AHDC1: variants seen among roughly 807,000 people sequenced by gnomAD.
AHDC1 encodes transcription factor Gibbin.
Under a neutral mutation model 87.9 loss-of-function variants are expected in AHDC1, and 7 were observed. That is an observed-to-expected ratio of 0.08 (90% CI 0.05 to 0.15). The LOEUF (loss-of-function observed/expected upper bound fraction) is 0.15. Among genes scored for constraint, AHDC1 ranks in the 10% least tolerant of loss-of-function variants. The probability of loss-of-function intolerance (pLI) is 1.00; values close to 1 mark genes in which losing one functional copy is unlikely to be tolerated. For missense variants in AHDC1, 1,841 were observed against 2,253.2 expected (o/e 0.82, Z 3.70); for synonymous variants, 1,051 against 1,006.8 (o/e 1.04, Z -0.83).
At chr1:27,577,987 C>T (rs543282887) in intron 3 of AHDC1, among the ~76,000 whole-genome samples, 1 of 152,222 alleles carries the variant, frequency 6.6e-6, no homozygotes, top group Admixed American at 6.5e-5. Context: ...AGACTACACC[C>T]AGTTCAAGTC....
intron 3 of AHDC1, among the ~76,000 whole-genome samples, chr1:27,578,672 T>C (rs1480894674): frequency 6.6e-6 from 1 of 152,084 alleles, no homozygotes; most frequent in Non-Finnish European, 1.5e-5. Context: ...TGTGGCTACT[T>C]GAAAATTTTA....
chr1:27,572,346 GC>G (rs1387293024), intron 3 of AHDC1, among the ~76,000 whole-genome samples: 2 of 152,060 alleles, frequency 1.3e-5, no homozygotes, highest in African/African-American at 4.8e-5. Context: ...GTGTCCTGGG[GC>G]CCCCCTCTGT....
At position 27,561,407 on chromosome 1, in the gene AHDC1, G is replaced by A. The variant is rs1434993557; in HGVS notation, c.-628-2524C>T. 2.6e-5 allele frequency among the ~76,000 whole-genome samples: 4 copies of A among 152,166 alleles called. No individual in the cohort carries two copies. Among genetic ancestry groups the A allele is most frequent in the South Asian group, 4.1e-4 (2 of 4,826 alleles). On this transcript the variant is annotated intron_variant, in intron 3 of 8. Transcript: ENST00000673934. The surrounding 1 kb of genome is among the most constrained non-coding windows in gnomAD (Gnocchi z 4.2). ...CTCCACAACCTGATACTCCCCAGCA[G>A]ATAAACGTCAGGCCCCCACCCAGTG...
intron 5 of AHDC1, among the ~76,000 whole-genome samples, chr1:27,555,090 GC>G (rs1268872525): frequency 6.6e-6 from 1 of 152,168 alleles, no homozygotes; most frequent in Non-Finnish European, 1.5e-5. Context: ...TCCTTCTAGC[GC>G]CGTGGTCTAA....
rs2019429543 is a variant in AHDC1 at position 27,549,883 on chromosome 1, G to A, written c.2233C>T (p.Arg745Trp). ...TCTGGGAACAGAGTCCCATTCTTCCGGGACCGTCTCTTGCGCTTTGGCTTC... is the reference window on the plus strand; with the variant it reads ...TCTGGGAACAGAGTCCCATTCTTCCAGGACCGTCTCTTGCGCTTTGGCTTC... ...TGKPKRKRRS[R>W]KNGTLFPEQV... The change falls in exon 8 of 9, where the codon CGG becomes TGG. Residue 745 changes from arginine to tryptophan, a missense_variant. Arg to Trp is a moderately radical substitution (Grantham distance 101). Around this residue, in one of 13 missense-constraint regions of AHDC1, gnomAD observed 236 missense variants for 257.9 expected, o/e 0.92. Transcript: ENST00000673934. The A allele has an allele frequency of 1.2e-6, 2 of 1,613,564 alleles. No individual in the cohort carries two copies. The highest frequency in any genetic ancestry group is 1.7e-6 in the Non-Finnish European group (2 of 1,179,794).
At chr1:27,571,784 CG>C (rs1376195095) in intron 3 of AHDC1, among the ~76,000 whole-genome samples, 1 of 152,128 alleles carries the variant, frequency 6.6e-6, no homozygotes, top group Admixed American at 6.5e-5. Flanking sequence ...ACAAACCCGC[CG>C]GGGTGGGTTT....
rs1022189610 is a variant in AHDC1 at position 27,598,126 on chromosome 1, G to C, written c.-629+5271C>G. The stretch of plus-strand genomic sequence containing the variant: ...CAAGGCCTCTCCTGGCTCAGGGGGT[G>C]GGGAGGGGGTGCAGAGCTGCAGCTT... On this transcript the variant is annotated intron_variant, in intron 3 of 8. Transcript: ENST00000673934. This position sits in a 1 kb window ranked among gnomAD's most constrained non-coding sequence, Gnocchi z 4.2. Among the ~76,000 whole-genome samples the C allele has an allele frequency of 4.6e-5, 7 of 152,218 alleles. No individual in the cohort carries two copies. The East Asian group carries it at 1.2e-3, about 25-fold the overall frequency.
chr1:27,545,896 C>T (rs887252101), intron 8 of AHDC1, among the ~76,000 whole-genome samples: 3 of 152,178 alleles, frequency 2.0e-5, no homozygotes, highest in Non-Finnish European at 4.4e-5. Flanking sequence ...AAGTTGGTGG[C>T]CAATCTGGGA....
intron 3 of AHDC1, among the ~76,000 whole-genome samples, chr1:27,580,867 GCT>G (rs1571316753): frequency 6.6e-6 from 1 of 151,740 alleles, no homozygotes; most frequent in African/African-American, 2.4e-5. Context: ...ATGGAGTCTC[GCT>G]CTGTCGCCAG....
At chr1:27,552,974 T>G (rs570623403) in intron 6 of AHDC1, 45 bp from the exon 7 acceptor site, 27 of 152,848 alleles carry the variant, frequency 1.8e-4, no homozygotes, top group Admixed American at 1.7e-3. Flanking sequence ...CCCCAAATGG[T>G]CTGGTGGCCA....
At chr1:27,603,932 C>T (rs980971090) in intron 1 of AHDC1, 69 bp from the exon 2 acceptor site, 1 of 151,744 alleles carries the variant, frequency 6.6e-6, no homozygotes, top group Non-Finnish European at 1.5e-5. Flanking sequence ...TGGATTCCCT[C>T]TCTCCCTCCC....
At chr1:27,567,008 G>A (rs530282073) in intron 3 of AHDC1, among the ~76,000 whole-genome samples, 1 of 152,120 alleles carries the variant, frequency 6.6e-6, no homozygotes, top group Non-Finnish European at 1.5e-5. Context: ...GAGAGCCACA[G>A]AGATGCTGGG....
intron 3 of AHDC1, among the ~76,000 whole-genome samples, chr1:27,570,415 G>A (rs1329740411): frequency 6.6e-6 from 1 of 151,994 alleles, no homozygotes; most frequent in Admixed American, 6.6e-5. Flanking sequence ...CTTCAAATGG[G>A]GATACTGAGG....
intron 8 of AHDC1, among the ~76,000 whole-genome samples, chr1:27,538,419 CCAGAAAAGAAAAAGTG>C (rs1293757645): frequency 1.5e-5 from 2 of 131,004 alleles, no homozygotes; most frequent in Non-Finnish European, 3.2e-5. Flanking sequence ...AAAAAAAAAA[CCAGAAAAGAAAAAGTG>C]CATTAGAATT....
chr1:27,542,009 T>G (rs1337080882), intron 8 of AHDC1, among the ~76,000 whole-genome samples: 2 of 152,234 alleles, frequency 1.3e-5, no homozygotes, highest in African/African-American at 2.4e-5. Context: ...CAGTGATACC[T>G]GCAGCACTGG....
At chr1:27,544,380 G>T (rs1235113165) in intron 8 of AHDC1, among the ~76,000 whole-genome samples, 1 of 152,176 alleles carries the variant, frequency 6.6e-6, no homozygotes, top group Non-Finnish European at 1.5e-5. Context: ...GTGTTTTCAG[G>T]TTTTTTGTGT....
chr1:27,541,827 A>G (rs970855558), intron 8 of AHDC1, among the ~76,000 whole-genome samples: 3 of 152,110 alleles, frequency 2.0e-5, no homozygotes, highest in African/African-American at 4.8e-5. Flanking sequence ...ACAGGGTTTC[A>G]CCACGTTAGC....
At position 27,551,223 on chromosome 1, in the gene AHDC1, G is replaced by A; in HGVS notation, c.893C>T (p.Pro298Leu). The A allele has an allele frequency of 6.2e-7, 1 of 1,609,636 alleles. No individual in the cohort carries two copies. Among genetic ancestry groups the A allele is most frequent in the Non-Finnish European group, 8.5e-7 (1 of 1,179,648 alleles). ...AGGATCAGCAAGAGGTTGCAGGGGT[G>A]GCAGCTCCAGAGCTTCCCCGAGCGG... The part of the protein sequence containing the change: ...LEPLGEALEL[P>L]PLQPLADPLG... The change falls in exon 8 of 9, where the codon CCA (proline) becomes CTA (leucine). Residue 298 changes from proline to leucine, a missense_variant. Transcript: ENST00000673934.
At chr1:27,572,661 G>A (rs1027164505) in intron 3 of AHDC1, among the ~76,000 whole-genome samples, 3 of 152,228 alleles carry the variant, frequency 2.0e-5, no homozygotes, top group Non-Finnish European at 4.4e-5. Context: ...CCCAGGTGCA[G>A]GCAAAACCAC....
Sources: gnomAD v4.1 joint callset for allele counts (sites outside exome capture counted in the v4.1 genomes callset) on GRCh38, gnomAD v4.1.1 for gene constraint, gnomAD v4.1.1 regional missense constraint, Gnocchi (gnomAD v3.1) non-coding constraint, MANE v1.5 for transcripts, NCBI Gene and HGNC (gene_info 2026-07-23, HGNC 2026-07-21) for gene names.